Variants in ADAMTS17 observed in about 807,000 individuals in gnomAD.
The protein encoded by ADAMTS17 is ADAM metallopeptidase with thrombospondin type 1 motif 17.
ADAMTS17 carries 113 observed loss-of-function variants against 141.5 expected under a neutral mutation model. That is an observed-to-expected ratio of 0.80 (90% confidence interval 0.69 to 0.93). The LOEUF is 0.93. Ranked by LOEUF, ADAMTS17 falls within the 40% of genes least tolerant of loss-of-function variation. ADAMTS17 has a pLI of 0.00. For missense variants in ADAMTS17, 1,659 were observed against 1,517.9 expected (o/e 1.09, Z -1.54); for synonymous variants, 768 against 630.6 (o/e 1.22, Z -3.27).
chr15:100,224,358 G>T (rs2042233906), intron 7 of ADAMTS17, among the ~76,000 whole-genome samples: 1 of 152,162 alleles, frequency 6.6e-6, no homozygotes, highest in African/African-American at 2.4e-5. Flanking sequence ...GAGGGAACAG[G>T]ATGGGGAGGC....
intron 20 of ADAMTS17, among the ~76,000 whole-genome samples, chr15:99,991,298 T>C (rs150306980): frequency 0.016 from 2,499 of 152,264 alleles, 31 homozygotes; most frequent in Non-Finnish European, 0.027. Context: ...ATCCAGAATC[T>C]ACAAAGAACT....
rs1330769938 is a variant in ADAMTS17 at position 100,253,476 on chromosome 15, AGGGGGAGGGGAACGTAGAGG to A, written c.1075+640_1075+659del. Among the ~76,000 whole-genome samples the A allele has an allele frequency of 4.5e-4, 13 of 28,824 alleles. 3 individuals are homozygous for A. The highest frequency in any genetic ancestry group is 2.7e-3 in the South Asian group (1 of 366). 18.9% of individuals were successfully genotyped at this position (28,824 alleles called of 152,430 possible). On this transcript the variant is annotated intron_variant, in intron 7 of 21. Coordinates refer to ENST00000268070, the MANE Select transcript of ADAMTS17 (RefSeq NM_139057.4). ...AAGGTAGAGGGGGAGGGGAAGGTAG[AGGGGGAGGGGAACGTAGAGG>A]GGGAGGGGAAGGTAGAGGGGGGAGG...
intron 12 of ADAMTS17, among the ~76,000 whole-genome samples, chr15:100,122,376 TAC>T (rs1283129407): frequency 6.6e-6 from 1 of 152,218 alleles, no homozygotes; most frequent in East Asian, 1.9e-4. Context: ...ATCCACTAGG[TAC>T]ACAATTTGCT....
intron 15 of ADAMTS17, among the ~76,000 whole-genome samples, chr15:100,079,485 A>T (rs1023761544): frequency 6.6e-6 from 1 of 152,240 alleles, no homozygotes; most frequent in African/African-American, 2.4e-5. Context: ...TGAAATGTCC[A>T]GATAGGCAAA....
chr15:100,086,441 A>T (rs992810015), intron 15 of ADAMTS17, among the ~76,000 whole-genome samples: 5 of 152,058 alleles, frequency 3.3e-5, no homozygotes, highest in South Asian at 4.1e-4. Context: ...GATCAACGAG[A>T]CAGACAGTTA....
intron 8 of ADAMTS17, 79 bp downstream of exon 8, chr15:100,199,239 A>C: frequency 7.6e-7 from 1 of 1,315,982 alleles, no homozygotes; most frequent in Non-Finnish European, 1.1e-6. Context: ...ACTGTTTTAG[A>C]ACTTACAGAA....
intron 7 of ADAMTS17, among the ~76,000 whole-genome samples, chr15:100,230,711 G>A (rs187706761): frequency 1.3e-5 from 2 of 152,292 alleles, no homozygotes; most frequent in African/African-American, 2.4e-5. Context: ...TTGAATGAAA[G>A]CATTTATTGT....
intron 8 of ADAMTS17, among the ~76,000 whole-genome samples, chr15:100,160,664 C>T (rs900939731): frequency 2.7e-4 from 41 of 152,356 alleles, no homozygotes; most frequent in Middle Eastern, 3.4e-3. Flanking sequence ...AAGCACACCA[C>T]GTCCAGTGAG....
At chr15:100,227,805 C>G (rs557459095) in intron 7 of ADAMTS17, among the ~76,000 whole-genome samples, 1 of 152,200 alleles carries the variant, frequency 6.6e-6, no homozygotes, top group Non-Finnish European at 1.5e-5. Flanking sequence ...AATGGACTGT[C>G]GTGACCGGCT....
chr15:99,984,067 CACGCCCCCTGCG>C (rs976434471), intron 20 of ADAMTS17, among the ~76,000 whole-genome samples: 1 of 152,194 alleles, frequency 6.6e-6, no homozygotes, highest in African/African-American at 2.4e-5. Flanking sequence ...CACCCCCTCC[CACGCCCCCTGCG>C]ACGCCTGCTT....
At chr15:100,158,817 G>A (rs913319779) in intron 8 of ADAMTS17, among the ~76,000 whole-genome samples, 3 of 152,112 alleles carry the variant, frequency 2.0e-5, no homozygotes. Flanking sequence ...AAAGACTTGA[G>A]AAGACGTTTC....
At chr15:100,031,544 G>C (rs889007827) in intron 18 of ADAMTS17, among the ~76,000 whole-genome samples, 5 of 152,104 alleles carry the variant, frequency 3.3e-5, no homozygotes, top group African/African-American at 1.2e-4. Context: ...CATACACCAG[G>C]GTCCTAAACC....
At chr15:100,297,748 G>A (rs2044874497) in intron 3 of ADAMTS17, among the ~76,000 whole-genome samples, 1 of 152,170 alleles carries the variant, frequency 6.6e-6, no homozygotes, top group Admixed American at 6.5e-5. Flanking sequence ...CAAGAAGCAA[G>A]GGAATACTTC....
intron 6 of ADAMTS17, among the ~76,000 whole-genome samples, chr15:100,260,621 A>T (rs10459734): frequency 6.6e-6 from 1 of 151,674 alleles, no homozygotes; most frequent in Non-Finnish European, 1.5e-5. Flanking sequence ...TCTCAAAAAA[A>T]AAAAAACCAA....
intron 15 of ADAMTS17, among the ~76,000 whole-genome samples, chr15:100,090,762 C>G (rs2035406998): frequency 6.6e-6 from 1 of 152,090 alleles, no homozygotes; most frequent in Non-Finnish European, 1.5e-5. Flanking sequence ...AATTCCAGCA[C>G]TTTGGGAGGC....
At chr15:100,238,957 G>T (rs1225679544) in intron 7 of ADAMTS17, among the ~76,000 whole-genome samples, 1 of 152,282 alleles carries the variant, frequency 6.6e-6, no homozygotes, top group East Asian at 1.9e-4. Flanking sequence ...CAGGCGTAGT[G>T]GCGTGTGCCT....
At position 100,083,023 on chromosome 15, in the gene ADAMTS17, A is replaced by G. The variant is rs912707068; in HGVS notation, c.2137+13333T>C. On this transcript the variant is annotated intron_variant, in intron 15 of 21. Transcript: ENST00000268070. ...CTGCTGTGTTATGGTGCTGGCCACA[A>G]ATATTTCCAAGTCTTTCTCTGGAAA... Among the ~76,000 whole-genome samples, 12 of 152,198 alleles carry G rather than the reference A, an allele frequency of 7.9e-5. No individual in the cohort carries two copies. In the East Asian group the frequency reaches 1.5e-3, roughly 20 times the overall value.
At chr15:100,113,189 G>C (rs79619511) in intron 13 of ADAMTS17, among the ~76,000 whole-genome samples, 1,624 of 152,246 alleles carry the variant, frequency 0.011, 12 homozygotes, top group Non-Finnish European at 0.018. Flanking sequence ...TCTCTTTCCT[G>C]GGAACTCGGT....
At chr15:100,293,207 G>A (rs548224099) in intron 3 of ADAMTS17, among the ~76,000 whole-genome samples, 40 of 152,262 alleles carry the variant, frequency 2.6e-4, no homozygotes, top group African/African-American at 6.5e-4. Flanking sequence ...GGGAGGATGG[G>A]AGTGGGGGGA....
Sources: allele counts gnomAD v4.1 joint callset (sites outside exome capture counted in the v4.1 genomes callset), GRCh38; gene constraint gnomAD v4.1.1; transcripts MANE v1.5; gene names NCBI Gene and HGNC (gene_info 2026-07-23, HGNC 2026-07-21).